The following ZFPM2 variants were observed in gnomAD, a reference collection of about 807,000 sequenced individuals.
ZFPM2 encodes zinc finger protein ZFPM2.
Under a neutral mutation model 98.6 loss-of-function variants are expected in ZFPM2, and 20 were observed. That is an observed-to-expected ratio of 0.20 (90% CI 0.14 to 0.29). The LOEUF is 0.29. Among genes scored for constraint, ZFPM2 ranks in the 10% least tolerant of loss-of-function variants. The pLI is 1.00. For synonymous variants in ZFPM2, 518 were observed against 502.7 expected (o/e 1.03, Z -0.41); for missense variants, 1,310 against 1,388.6 (o/e 0.94, Z 0.90).
chr8:105,700,383 C>A (rs1294427645), intron 5 of ZFPM2, among the ~76,000 whole-genome samples: 2 of 152,158 alleles, frequency 1.3e-5, no homozygotes, highest in Non-Finnish European at 2.9e-5. Context: ...ATGTACAAGT[C>A]TAGTTTCCAA....
intron 4 of ZFPM2, among the ~76,000 whole-genome samples, chr8:105,582,244 G>T (rs1272376918): frequency 6.6e-6 from 1 of 152,172 alleles, no homozygotes; most frequent in Non-Finnish European, 1.5e-5. Context: ...TTTTAAACTG[G>T]TTGAAGTCAG....
chr8:105,326,053 A>T (rs775637310), intron 1 of ZFPM2, among the ~76,000 whole-genome samples: 1 of 151,732 alleles, frequency 6.6e-6, no homozygotes, highest in African/African-American at 2.4e-5. Context: ...AGCTAGTCCT[A>T]TGTCTACGGT....
At chr8:105,672,928 C>T (rs1450232377) in intron 5 of ZFPM2, among the ~76,000 whole-genome samples, 1 of 152,130 alleles carries the variant, frequency 6.6e-6, no homozygotes, top group African/African-American at 2.4e-5. Context: ...TCTATTGCAG[C>T]AAAGAGAGTT....
Position 105,425,598 on chromosome 8 carries a change from G to A in ZFPM2, c.199+6296G>A, listed in dbSNP as rs114350774. On this transcript the variant is annotated intron_variant, in intron 2 of 7. Coordinates refer to ENST00000407775, the MANE Select transcript of ZFPM2 (RefSeq NM_012082.4). Reference sequence around the variant, plus strand: ...ATCATCGTACTCAACTTCTTCTGCCGATAGGCATCCAGGCTCATTGAAATG... The same window carrying A: ...ATCATCGTACTCAACTTCTTCTGCCAATAGGCATCCAGGCTCATTGAAATG... Among the ~76,000 whole-genome samples the A allele has an allele frequency of 5.5e-3, 837 of 152,272 alleles. 7 individuals are homozygous for A. The highest frequency in any genetic ancestry group is 0.019 in the African/African-American group (805 of 41,570).
At chr8:105,458,973 C>G (rs1349931548) in intron 3 of ZFPM2, among the ~76,000 whole-genome samples, 1 of 151,994 alleles carries the variant, frequency 6.6e-6, no homozygotes, top group African/African-American at 2.4e-5. Context: ...AGGAAAAAAA[C>G]TTTAAAGACA....
chr8:105,527,552 A>G lies in ZFPM2; in HGVS notation c.302-33811A>G, dbSNP rs142801733. On this transcript the variant is annotated intron_variant, in intron 3 of 7. Coordinates refer to ENST00000407775, the MANE Select transcript of ZFPM2 (RefSeq NM_012082.4). ...AGAGCTGAACCAATGACTGAGTCTT[A>G]TTAAAGGGGCTCCAGCCTTGGCCAG... Among the ~76,000 whole-genome samples the G allele has an allele frequency of 7.5e-3, 1,139 of 152,334 alleles. 16 individuals are homozygous for G. Among genetic ancestry groups the G allele is most frequent in the South Asian group, 0.059 (284 of 4,832 alleles).
intron 3 of ZFPM2, among the ~76,000 whole-genome samples, chr8:105,537,199 T>A (rs888795150): frequency 8.9e-6 from 1 of 112,312 alleles, no homozygotes; most frequent in Non-Finnish European, 2.2e-5. Flanking sequence ...TAATTCAGAT[T>A]TTTTTTTTCT....
At chr8:105,608,589 T>G (rs112447967) in intron 4 of ZFPM2, among the ~76,000 whole-genome samples, 95 of 149,052 alleles carry the variant, frequency 6.4e-4, no homozygotes, top group African/African-American at 2.0e-3. Context: ...AGTTTTTTTT[T>G]TTTTTTTTTT....
At chr8:105,389,902 G>A (rs1811075670) in intron 1 of ZFPM2, among the ~76,000 whole-genome samples, 1 of 152,176 alleles carries the variant, frequency 6.6e-6, no homozygotes, top group Admixed American at 6.5e-5. Flanking sequence ...TCTTTAGGGT[G>A]CAGATTTGTC....
At chr8:105,715,590 T>C (rs1179613278) in intron 5 of ZFPM2, among the ~76,000 whole-genome samples, 1 of 152,060 alleles carries the variant, frequency 6.6e-6, no homozygotes, top group Non-Finnish European at 1.5e-5. Context: ...TTTATATGCA[T>C]ACATTTTCTT....
chr8:105,721,292 G>T (rs770918071), intron 5 of ZFPM2, among the ~76,000 whole-genome samples: 1 of 151,890 alleles, frequency 6.6e-6, no homozygotes, highest in East Asian at 1.9e-4. Context: ...CATGTTCAAG[G>T]GGCAACTGTA....
At chr8:105,508,575 G>A (rs1380504650) in intron 3 of ZFPM2, among the ~76,000 whole-genome samples, 3 of 152,116 alleles carry the variant, frequency 2.0e-5, no homozygotes, top group Non-Finnish European at 4.4e-5. Context: ...CCTTGTCAGT[G>A]ACAAGGTAAG....
chr8:105,598,937 A>G (rs1017626289), intron 4 of ZFPM2, among the ~76,000 whole-genome samples: 4 of 152,154 alleles, frequency 2.6e-5, no homozygotes, highest in African/African-American at 9.7e-5. Flanking sequence ...AATTAACAGC[A>G]AGACACTGCA....
intron 5 of ZFPM2, among the ~76,000 whole-genome samples, chr8:105,646,998 G>A (rs1817061044): frequency 6.6e-6 from 1 of 152,118 alleles, no homozygotes; most frequent in African/African-American, 2.4e-5. Flanking sequence ...TGGGCCTGGA[G>A]GGAAACAGCT....
At chr8:105,746,845 C>T (rs1048426637) in intron 5 of ZFPM2, among the ~76,000 whole-genome samples, 2 of 151,710 alleles carry the variant, frequency 1.3e-5, no homozygotes, top group African/African-American at 4.8e-5. Flanking sequence ...TGCCAGATAC[C>T]ACCTGAAGAC....
intron 5 of ZFPM2, among the ~76,000 whole-genome samples, chr8:105,660,360 T>G (rs1281420721): frequency 6.6e-6 from 1 of 152,162 alleles, no homozygotes; most frequent in Non-Finnish European, 1.5e-5. Flanking sequence ...CTTACAGTCT[T>G]GTCATGCAAG....
At chr8:105,716,875 T>A (rs1205493900) in intron 5 of ZFPM2, among the ~76,000 whole-genome samples, 2 of 152,020 alleles carry the variant, frequency 1.3e-5, no homozygotes, top group African/African-American at 4.8e-5. Flanking sequence ...GAGCCTCCTG[T>A]TACAATGGAT....
intron 5 of ZFPM2, among the ~76,000 whole-genome samples, chr8:105,663,236 G>C (rs2130889898): frequency 1.3e-5 from 2 of 152,274 alleles, no homozygotes; most frequent in Middle Eastern, 3.4e-3. Flanking sequence ...TTAGTCGTGG[G>C]GGGCAAGGGA....
chr8:105,409,879 C>A (rs929498058), intron 1 of ZFPM2, among the ~76,000 whole-genome samples: 1 of 151,844 alleles, frequency 6.6e-6, no homozygotes, highest in Non-Finnish European at 1.5e-5. Flanking sequence ...TCAGGTGATG[C>A]TAATGCTGCT....
Sources: allele counts gnomAD v4.1 joint callset (sites outside exome capture counted in the v4.1 genomes callset), GRCh38; gene constraint gnomAD v4.1.1; transcripts MANE v1.5; gene names NCBI Gene and HGNC (gene_info 2026-07-23, HGNC 2026-07-21).